The following FHIT variants were observed in gnomAD, a reference collection of about 807,000 sequenced individuals.
The protein encoded by FHIT is fragile histidine triad diadenosine triphosphatase, also known as bis(5'-adenosyl)-triphosphatase.
Under a neutral mutation model 17.9 loss-of-function variants are expected in FHIT, and 19 were observed. The observed-to-expected ratio is 1.06, with a 90% CI of 0.74 to 1.56. The LOEUF (loss-of-function observed/expected upper bound fraction) is 1.56. FHIT is among the 40% of genes most tolerant of loss of function. FHIT has a pLI of 0.00. For synonymous variants in FHIT, 81 were observed against 69.7 expected (o/e 1.16, Z -0.81); for missense variants, 248 against 189.2 (o/e 1.31, Z -1.82).
At chr3:60,988,932 G>GGCCATGGCTTTT (rs2029906752) in intron 3 of FHIT, among the ~76,000 whole-genome samples, 1 of 39,924 alleles carries the variant, frequency 2.5e-5, no homozygotes, top group Non-Finnish European at 4.7e-5. Context: ...TTTTTCAAAT[G>GGCCATGGCTTTT]GCCATGGCTT....
At chr3:60,596,006 G>C (rs892641115) in intron 4 of FHIT, 1 of 160,982 alleles carries the variant, frequency 6.2e-6, no homozygotes, top group African/African-American at 2.4e-5. Flanking sequence ...CCTCTTACCA[G>C]CTTCTTCTAG....
intron 4 of FHIT, among the ~76,000 whole-genome samples, chr3:60,598,306 T>C (rs112798636): frequency 0.018 from 2,785 of 152,244 alleles, 28 homozygotes; most frequent in Middle Eastern, 0.041. Context: ...AAGCAAAATG[T>C]TGACTATTTT....
rs148155513 is a variant in FHIT at position 59,872,426 on chromosome 3, C to T, written c.348+49920G>A. On this transcript the variant is annotated intron_variant, in intron 8 of 9. Coordinates refer to ENST00000492590, the MANE Select transcript of FHIT (RefSeq NM_002012.4). The stretch of plus-strand genomic sequence containing the variant: ...GCCAGCAGTACTTATTTAAAACATG[C>T]CACGTGCTCATGTTTATGTGAGGAG... Among the ~76,000 whole-genome samples, 976 of 152,238 alleles carry T rather than the reference C, an allele frequency of 6.4e-3. 5 individuals carry two copies. The highest frequency in any genetic ancestry group is 0.014 in the Middle Eastern group (4 of 294).
intron 3 of FHIT, among the ~76,000 whole-genome samples, chr3:60,832,722 T>C (rs947182403): frequency 4.0e-5 from 6 of 151,082 alleles, no homozygotes; most frequent in Non-Finnish European, 8.8e-5. Flanking sequence ...ACCATAAAAG[T>C]CGTTTTTCCT....
At chr3:60,967,808 A>G (rs968037064) in intron 3 of FHIT, among the ~76,000 whole-genome samples, 1 of 152,218 alleles carries the variant, frequency 6.6e-6, no homozygotes, top group Non-Finnish European at 1.5e-5. Flanking sequence ...TTCTAGGACC[A>G]TGATCAGACT....
At chr3:60,343,597 C>T (rs890431280) in intron 5 of FHIT, among the ~76,000 whole-genome samples, 1 of 152,168 alleles carries the variant, frequency 6.6e-6, no homozygotes, top group Admixed American at 6.5e-5. Flanking sequence ...TTCCACTACG[C>T]TTTGCCATCA....
chr3:61,047,293 C>G (rs1446944764), intron 2 of FHIT, among the ~76,000 whole-genome samples: 2 of 152,156 alleles, frequency 1.3e-5, no homozygotes, highest in Non-Finnish European at 2.9e-5. Context: ...TCTCAGGATA[C>G]AAAATCAATG....
chr3:61,171,366 T>C (rs533666927), intron 2 of FHIT, among the ~76,000 whole-genome samples: 13 of 152,350 alleles, frequency 8.5e-5, no homozygotes, highest in African/African-American at 3.1e-4. Context: ...GTCAAATGCA[T>C]AGTTCGCAAA....
At chr3:60,792,788 C>T (rs1176902194) in intron 4 of FHIT, among the ~76,000 whole-genome samples, 1 of 151,968 alleles carries the variant, frequency 6.6e-6, no homozygotes, top group Non-Finnish European at 1.5e-5. Flanking sequence ...TTCTTTACAG[C>T]CATTAGTAAT....
At chr3:60,129,042 C>CCTTTTTTTTTTTTTTTTTTTTTTTTT (rs1553692314) in intron 5 of FHIT, among the ~76,000 whole-genome samples, 1 of 113,012 alleles carries the variant, frequency 8.8e-6, no homozygotes, top group African/African-American at 3.4e-5. Flanking sequence ...TTCTTCTTTC[C>CCTTTTTTTTTTTTTTTTTTTTTTTTT]TTTTTTGTTT....
At chr3:59,851,893 G>T (rs919780904) in intron 8 of FHIT, among the ~76,000 whole-genome samples, 1 of 152,086 alleles carries the variant, frequency 6.6e-6, no homozygotes, top group Non-Finnish European at 1.5e-5. Context: ...TAGTAAGAAG[G>T]TCCCAATTAA....
At chr3:60,894,691 CA>C (rs1705698501) in intron 3 of FHIT, among the ~76,000 whole-genome samples, 1 of 151,380 alleles carries the variant, frequency 6.6e-6, no homozygotes, top group African/African-American at 2.4e-5. Context: ...AAAAAACAAA[CA>C]AAAAAACAAA....
intron 2 of FHIT, among the ~76,000 whole-genome samples, chr3:61,139,353 G>C (rs1472546520): frequency 6.6e-6 from 1 of 152,110 alleles, no homozygotes; most frequent in Non-Finnish European, 1.5e-5. Context: ...TTGTAGACCA[G>C]TACATCTTTG....
chr3:60,894,946 C>G (rs1290116217), intron 3 of FHIT, among the ~76,000 whole-genome samples: 2 of 152,148 alleles, frequency 1.3e-5, no homozygotes, highest in African/African-American at 4.8e-5. Flanking sequence ...TAGTCTCTCA[C>G]ACATACAATG....
At chr3:60,311,318 G>A (rs1559809320) in intron 5 of FHIT, among the ~76,000 whole-genome samples, 1 of 151,932 alleles carries the variant, frequency 6.6e-6, no homozygotes, top group Non-Finnish European at 1.5e-5. Flanking sequence ...GTTCTCTGCT[G>A]TGTCCTTGAG....
chr3:59,882,249 A>C (rs1214470708), intron 8 of FHIT, among the ~76,000 whole-genome samples: 1 of 152,202 alleles, frequency 6.6e-6, no homozygotes, highest in Non-Finnish European at 1.5e-5. Context: ...CATTTAAAAC[A>C]TATTCACACT....
At chr3:59,754,753 G>GT (rs1353556613) in intron 8 of FHIT, among the ~76,000 whole-genome samples, 1 of 152,164 alleles carries the variant, frequency 6.6e-6, no homozygotes, top group African/African-American at 2.4e-5. Flanking sequence ...CTTAGAAGAA[G>GT]TTTTTGGGAA....
At chr3:60,531,499 C>T (rs558036130) in intron 5 of FHIT, among the ~76,000 whole-genome samples, 4 of 152,014 alleles carry the variant, frequency 2.6e-5, no homozygotes, top group African/African-American at 7.2e-5. Flanking sequence ...AGGATGGTCT[C>T]GATCTCCTGA....
At chr3:60,479,066 T>C (rs967205151) in intron 5 of FHIT, among the ~76,000 whole-genome samples, 1 of 152,140 alleles carries the variant, frequency 6.6e-6, no homozygotes, top group Non-Finnish European at 1.5e-5. Flanking sequence ...AGGACTAGAC[T>C]TGAGGGGCCT....
Sources: allele counts gnomAD v4.1 joint callset (sites outside exome capture counted in the v4.1 genomes callset), GRCh38; gene constraint gnomAD v4.1.1; transcripts MANE v1.5; gene names NCBI Gene and HGNC (gene_info 2026-07-23, HGNC 2026-07-21).